UGGT2: variants seen among roughly 807,000 people sequenced by gnomAD.
UGGT2 encodes UDP-glucose:glycoprotein glucosyltransferase 2.
In UGGT2, 180 loss-of-function variants were observed where a neutral mutation model predicts 192.1. That is an observed-to-expected ratio of 0.94 (90% CI 0.83 to 1.06). The LOEUF is 1.06. Among genes scored for constraint, UGGT2 ranks in the 50% least tolerant of loss-of-function variants. The pLI, the probability that UGGT2 is intolerant of heterozygous loss-of-function variation, is 0.00. For synonymous variants in UGGT2, 580 were observed against 591.0 expected, an observed-to-expected ratio of 0.98 and a Z score of 0.27; for missense variants, 1,849 against 1,795.7, an observed-to-expected ratio of 1.03 and a Z score of -0.54.
At chr13:95,991,571 T>C in intron 7 of UGGT2, 1 of 253,664 alleles carries the variant, frequency 3.9e-6, no homozygotes, top group South Asian at 4.2e-5. Flanking sequence ...ATCTTACAGG[T>C]TTACTACAAT....
At chr13:95,866,910 A>AT (rs1890717003) in intron 30 of UGGT2, among the ~76,000 whole-genome samples, 1 of 151,704 alleles carries the variant, frequency 6.6e-6, no homozygotes, top group African/African-American at 2.4e-5. Context: ...ATTTTTTTAA[A>AT]TTTTTATCTA....
intron 15 of UGGT2, among the ~76,000 whole-genome samples, chr13:95,940,367 CTTT>C (rs1367482431): frequency 6.6e-6 from 1 of 150,936 alleles, no homozygotes; most frequent in Admixed American, 6.6e-5. Flanking sequence ...TAATGATTAC[CTTT>C]TTTAATGTAT....
At chr13:95,842,690 CT>C (rs1418828892) in intron 36 of UGGT2, among the ~76,000 whole-genome samples, 1 of 152,208 alleles carries the variant, frequency 6.6e-6, no homozygotes. Flanking sequence ...CTCTCTTTCT[CT>C]GATTCTTCTC....
chr13:95,942,224 GTGTGTGTGTGTGTGTGTGTGT>G (rs2049711751), intron 15 of UGGT2, among the ~76,000 whole-genome samples: 4 of 82,716 alleles, frequency 4.8e-5, no homozygotes, highest in African/African-American at 1.9e-4. Flanking sequence ...GGGTGAGGGT[GTGTGTGTGTGTGTGTGTGTGT>G]GTGTGTGTGT....
In UGGT2 at chr13:95,898,446, G is replaced by A. The variant is rs1408672899; in HGVS notation, c.2634+2361C>T. ...ATTCACAGACATGAACTCACCTCAC[G>A]TCCTTTGCATTCACTGTACTCTGTC... On this transcript the variant is annotated intron_variant, in intron 22 of 38. Transcript: ENST00000376747. Among the ~76,000 whole-genome samples the A allele has an allele frequency of 8.5e-5, 13 of 152,154 alleles. No individual in the cohort carries two copies. The East Asian group carries it at 2.3e-3, about 27-fold the overall frequency.
At chr13:96,040,694 G>T (rs2053140342) in intron 1 of UGGT2, among the ~76,000 whole-genome samples, 1 of 152,118 alleles carries the variant, frequency 6.6e-6, no homozygotes, top group Admixed American at 6.6e-5. Context: ...CAAACCCATA[G>T]TAAAGTCAAA....
chr13:95,903,104 T>C, intron 20 of UGGT2, 44 bp from the exon 21 acceptor site: 2 of 1,549,380 alleles, frequency 1.3e-6, no homozygotes, highest in South Asian at 1.2e-5. Flanking sequence ...ATCATACATA[T>C]CATTTTACAG....
chr13:95,965,599 G>C (rs1254757376), intron 12 of UGGT2, among the ~76,000 whole-genome samples: 1 of 126,272 alleles, frequency 7.9e-6, no homozygotes, highest in African/African-American at 3.0e-5. Flanking sequence ...TTGTGGGGTG[G>C]GGGGAGGGGG....
chr13:95,914,456 T>C (rs1357492088), intron 20 of UGGT2, among the ~76,000 whole-genome samples: 2 of 151,702 alleles, frequency 1.3e-5, no homozygotes, highest in African/African-American at 2.4e-5. Context: ...ATGTTTGATA[T>C]ATAGAAAGGA....
At position 95,970,250 on chromosome 13, in the gene UGGT2, CA is replaced by C. The variant is rs1409314370; in HGVS notation, c.1196del (p.Met399SerfsTer2). The part of the protein sequence containing the change: ...DVYDAFSILD[M>X]LKLEGKMMNG... Reference sequence around the variant, plus strand: ...TCATCATTTTTCCTTCTAATTTCAGCATATCCAAAATACTATATATTCAAAG... The same window carrying C: ...TCATCATTTTTCCTTCTAATTTCAGCTATCCAAAATACTATATATTCAAAG... On this transcript the variant is annotated frameshift_variant, in exon 12 of 39. Transcript: ENST00000376747. LOFTEE classifies it high-confidence loss of function. 6.2e-7 allele frequency: 1 copy of C among 1,611,796 alleles called. No individual in the cohort carries two copies. The highest frequency in any genetic ancestry group is 8.5e-7 in the Non-Finnish European group (1 of 1,178,808).
At chr13:95,934,700 G>T (rs2049401533) in intron 17 of UGGT2, among the ~76,000 whole-genome samples, 2 of 152,246 alleles carry the variant, frequency 1.3e-5, no homozygotes, top group African/African-American at 4.8e-5. Context: ...TTTGTGGAGA[G>T]GTTTCACTGT....
At position 96,047,265 on chromosome 13, in the gene UGGT2, A is replaced by G. The variant is rs554136007; in HGVS notation, c.158+5890T>C. ...TCATACAGCCGGGTGCCCCTCTGAG[A>G]CGAAGCTTCCAGAGGAACAATAAGA... On this transcript the variant is annotated intron_variant, in intron 1 of 38. Transcript: ENST00000376747. Among the ~76,000 whole-genome samples the G allele has an allele frequency of 3.9e-5, 6 of 152,274 alleles. No individual in the cohort carries two copies. In the East Asian group the frequency reaches 9.7e-4, roughly 25 times the overall value.
chr13:96,019,733 T>C (rs1013252017), intron 4 of UGGT2, among the ~76,000 whole-genome samples: 1 of 152,162 alleles, frequency 6.6e-6, no homozygotes, highest in Non-Finnish European at 1.5e-5. Flanking sequence ...AGGTAGGCCA[T>C]TGGCAACAGC....
intron 38 of UGGT2, among the ~76,000 whole-genome samples, chr13:95,811,072 CTATGA>C (rs1202239741): frequency 2.6e-5 from 4 of 152,062 alleles, no homozygotes; most frequent in Admixed American, 2.0e-4. Context: ...TTCTCAGCCA[CTATGA>C]TATTTTTAAT....
chr13:95,885,673 G>A (rs1566637251), intron 26 of UGGT2, among the ~76,000 whole-genome samples: 1 of 152,170 alleles, frequency 6.6e-6, no homozygotes. Flanking sequence ...GCCATGTTAT[G>A]CAGATAGACA....
intron 29 of UGGT2, among the ~76,000 whole-genome samples, chr13:95,873,567 T>A (rs553187336): frequency 6.6e-6 from 1 of 152,294 alleles, no homozygotes; most frequent in Admixed American, 6.5e-5. Flanking sequence ...TCTATTCCCT[T>A]ATATATACTG....
At chr13:95,868,657 G>A (rs1782323289) in intron 29 of UGGT2, among the ~76,000 whole-genome samples, 1 of 152,096 alleles carries the variant, frequency 6.6e-6, no homozygotes, top group African/African-American at 2.4e-5. Flanking sequence ...TAGAAACATT[G>A]TCAAATTTCT....
chr13:95,833,008 T>C lies in UGGT2; in HGVS notation c.4447A>G (p.Arg1483Gly). The stretch of plus-strand genomic sequence containing the variant: ...TACTCCACCCATTCTGGGACAATTC[T>C]GGCAGCAGCTTTTAGTTTGGATTCT... ...TKESKLKAAA[R>G]IVPEWVEYDA... The change falls in exon 38 of 39, where the codon AGA (arginine) becomes GGA (glycine). Residue 1483 changes from arginine to glycine, a missense_variant. Transcript: ENST00000376747. The C allele has an allele frequency of 6.2e-7, 1 of 1,612,874 alleles. No homozygotes were observed. The highest frequency in any genetic ancestry group is 8.5e-7 in the Non-Finnish European group (1 of 1,179,192).
At chr13:95,993,782 A>T (rs2140908806) in intron 7 of UGGT2, among the ~76,000 whole-genome samples, 1 of 152,300 alleles carries the variant, frequency 6.6e-6, no homozygotes, top group African/African-American at 2.4e-5. Flanking sequence ...CTGTAATACT[A>T]AACAAGAACT....
Sources: allele counts gnomAD v4.1 joint callset (sites outside exome capture counted in the v4.1 genomes callset), GRCh38; gene constraint gnomAD v4.1.1; transcripts MANE v1.5; gene names NCBI Gene and HGNC (gene_info 2026-07-23, HGNC 2026-07-21).